NCF2: variants seen among roughly 807,000 people sequenced by gnomAD.
The protein encoded by NCF2 is neutrophil cytosol factor 2.
In NCF2, 45 loss-of-function variants were observed where a neutral mutation model predicts 70.9. That is an observed-to-expected ratio of 0.63 (90% CI 0.50 to 0.81). The LOEUF is 0.81. Ranked by LOEUF, NCF2 falls within the 40% of genes least tolerant of loss-of-function variation. The pLI is 0.00. For synonymous variants in NCF2, 203 were observed against 233.6 expected (o/e 0.87, Z 1.19); for missense variants, 522 against 631.6 (o/e 0.83, Z 1.86).
At position 183,566,926 on chromosome 1, in the gene NCF2, C is replaced by T. The variant is rs535561432; in HGVS notation, c.918G>A (p.Gln306=). The T allele has an allele frequency of 5.9e-4, 947 of 1,613,994 alleles. 11 individuals carry two copies. The South Asian group carries it at 9.8e-3, about 17-fold the overall frequency. Residue 306 remains glutamine, a synonymous_variant, in exon 9 of 15, where the codon CAG becomes CAA. Transcript: ENST00000367535. ...PVELRIHPQQ[Q]PQEESSPQSD... ...GGCCTTGGCATCACATTACCTGGGG[C>T]TGCTGCTGAGGGTGGATCCGCAGCT...
chr1:183,556,330 C>T, intron 14 of NCF2, 100 bp from the exon 15 acceptor site: 2 of 1,009,998 alleles, frequency 2.0e-6, no homozygotes, highest in East Asian at 2.4e-5. Context: ...CACCCTTCCC[C>T]ACCCCTAATT....
intron 1 of NCF2, among the ~76,000 whole-genome samples, chr1:183,588,515 A>G (rs1432121413): frequency 6.6e-6 from 1 of 151,750 alleles, no homozygotes; most frequent in African/African-American, 2.4e-5. Context: ...ATCTAATGTA[A>G]TAATGAAATT....
chr1:183,590,680 C>T, upstream of NCF2: 1 of 357,860 alleles, frequency 2.8e-6, no homozygotes, highest in South Asian at 2.3e-5. Flanking sequence ...TCACCCAGCT[C>T]CTCTTCTCTC....
At chr1:183,558,143 G>A (rs996510002) in intron 14 of NCF2, among the ~76,000 whole-genome samples, 4 of 151,804 alleles carry the variant, frequency 2.6e-5, no homozygotes, top group African/African-American at 9.7e-5. Context: ...CAAAGTGCTG[G>A]GGTTACCAGC....
At chr1:183,571,114 CTTTTT>C (rs66625837) in intron 5 of NCF2, among the ~76,000 whole-genome samples, 3 of 106,818 alleles carry the variant, frequency 2.8e-5, no homozygotes, top group African/African-American at 7.1e-5. Flanking sequence ...ATCAAATTAT[CTTTTT>C]TTTTTTTTTT....
intron 5 of NCF2, among the ~76,000 whole-genome samples, chr1:183,571,695 C>T (rs951048172): frequency 7.2e-5 from 11 of 152,296 alleles, no homozygotes; most frequent in African/African-American, 2.6e-4. Context: ...TTTCATCATT[C>T]ATTCATATAA....
intron 2 of NCF2, among the ~76,000 whole-genome samples, chr1:183,579,099 T>G: frequency 6.6e-6 from 1 of 152,178 alleles, no homozygotes; most frequent in East Asian, 1.9e-4. Flanking sequence ...AAGCCTGGAA[T>G]GTGGACACAG....
chr1:183,580,717 C>T (rs117874531), intron 2 of NCF2, among the ~76,000 whole-genome samples: 2 of 152,100 alleles, frequency 1.3e-5, no homozygotes, highest in Non-Finnish European at 2.9e-5. Context: ...TGGCTCGTGC[C>T]GGTAATCCCA....
the NCF2 span, among the ~76,000 whole-genome samples, chr1:183,596,018 T>C: frequency 6.6e-6 from 1 of 152,092 alleles, no homozygotes; most frequent in African/African-American, 2.4e-5. Context: ...TCAAGGAGGT[T>C]TCTCTCTACC....
At chr1:183,586,125 G>A (rs1673337398) in intron 2 of NCF2, among the ~76,000 whole-genome samples, 1 of 152,142 alleles carries the variant, frequency 6.6e-6, no homozygotes, top group Non-Finnish European at 1.5e-5. Context: ...ACCTGAGGTC[G>A]GGAGTTCAAG....
rs1672518551 is a variant in NCF2, at chr1:183,570,917, C to T, written c.610-78G>A. 6.3e-6 allele frequency: 9 copies of T among 1,420,520 alleles called. No individual in the cohort carries two copies. In the South Asian group the frequency reaches 6.9e-5, roughly 11 times the overall value. The allele number at this position is 1,420,520 out of a possible 1,614,324, so 88.0% of individuals were successfully genotyped here. ...TCTGGGTCTCCCTCTTTGCTCATGCCCTAGACCTGTTCTTACGTGAGCCTG... is the reference window on the plus strand; with the variant it reads ...TCTGGGTCTCCCTCTTTGCTCATGCTCTAGACCTGTTCTTACGTGAGCCTG... On this transcript the variant is annotated intron_variant, in intron 5 of 14. Transcript: ENST00000367535.
At position 183,563,321 on chromosome 1, in the gene NCF2, T is replaced by TGAG. The variant is rs752474014; in HGVS notation, c.1179-18_1179-16dup. Reference sequence around the variant, plus strand: ...GAGGCCGATAGCTGGGTGGGGATAATGAGTAAGAATCCAGTCAAAGAACAT... The same window carrying TGAG: ...GAGGCCGATAGCTGGGTGGGGATAATGAGGAGTAAGAATCCAGTCAAAGAACAT... On this transcript the variant is annotated splice_polypyrimidine_tract_variant and intron_variant, in intron 12 of 14. Transcript: ENST00000367535. The TGAG allele has an allele frequency of 5.6e-6, 9 of 1,613,882 alleles. No homozygotes were observed. The East Asian group carries it at 1.8e-4, about 32-fold the overall frequency.
rs119103276 is a variant in NCF2, at chr1:183,577,667, G to T, written c.298C>A (p.Gln100Lys). The stretch of plus-strand genomic sequence containing the variant: ...TCTATCAGCTGGTTCCCTCGAAGCT[G>T]AATCAAGGCTTCTTTAAGGTCTTTG... ...AIKDLKEALI[Q>K]LRGNQLIDYK... Residue 100 changes from glutamine (Q) to lysine (K), a missense_variant, in exon 3 of 15, where the codon CAG becomes AAG. Gln to Lys is a moderately conservative substitution (Grantham distance 53). Coordinates refer to ENST00000367535, the MANE Select transcript of NCF2 (RefSeq NM_000433.4). The T allele has an allele frequency of 6.2e-7, 1 of 1,614,078 alleles. No homozygotes were observed.
At chr1:183,571,836 C>T (rs548229821) in intron 5 of NCF2, among the ~76,000 whole-genome samples, 24 of 152,304 alleles carry the variant, frequency 1.6e-4, no homozygotes, top group African/African-American at 5.3e-4. Flanking sequence ...TTCCTATAAA[C>T]GGAATTGTAC....
At chr1:183,564,253 G>A (rs1672208903) in intron 10 of NCF2, among the ~76,000 whole-genome samples, 1 of 152,084 alleles carries the variant, frequency 6.6e-6, no homozygotes, top group South Asian at 2.1e-4. Flanking sequence ...TGCTTCTAGG[G>A]AGCCTATAGG....
chr1:183,559,835 G>C (rs1671961097), intron 14 of NCF2, among the ~76,000 whole-genome samples: 1 of 152,104 alleles, frequency 6.6e-6, no homozygotes, highest in Non-Finnish European at 1.5e-5. Flanking sequence ...CTCCAGCCTG[G>C]GCAACAGAGG....
the NCF2 span, among the ~76,000 whole-genome samples, chr1:183,599,480 T>TTCTTTCTTTCTTTCTTTCTC: frequency 2.2e-5 from 3 of 134,262 alleles, no homozygotes; most frequent in African/African-American, 8.7e-5. Context: ...CTTTCTTTCT[T>TTCTTTCTTTCTTTCTTTCTC]TCTCTTTTCT....
intron 5 of NCF2, 70 bp downstream of exon 5, chr1:183,573,115 G>A (rs932519174): frequency 9.5e-5 from 132 of 1,387,812 alleles, no homozygotes; most frequent in Non-Finnish European, 1.3e-4. Context: ...CTTCTCAAGA[G>A]TCCCTCCCAC....
intron 13 of NCF2, among the ~76,000 whole-genome samples, chr1:183,562,811 G>A (rs1300169970): frequency 6.9e-6 from 1 of 145,902 alleles, no homozygotes; most frequent in African/African-American, 2.6e-5. Context: ...GCGACAGAGT[G>A]AGACTCCATC....
Sources: allele counts gnomAD v4.1 joint callset (sites outside exome capture counted in the v4.1 genomes callset), GRCh38; gene constraint gnomAD v4.1.1; transcripts MANE v1.5; gene names NCBI Gene and HGNC (gene_info 2026-07-23, HGNC 2026-07-21).